DOK5: variants seen among roughly 807,000 people sequenced by gnomAD.
DOK5 encodes the protein docking protein 5.
Under a neutral mutation model 43.3 loss-of-function variants are expected in DOK5, and 27 were observed. That is an observed-to-expected ratio of 0.62 (90% CI 0.46 to 0.86). DOK5 has a LOEUF of 0.86. Among genes scored for constraint, DOK5 ranks in the 40% least tolerant of loss-of-function variants. The probability of loss-of-function intolerance (pLI) is 0.00; values close to 1 mark genes in which losing one functional copy is unlikely to be tolerated. For synonymous variants in DOK5, 146 were observed against 140.1 expected (o/e 1.04, Z -0.30); for missense variants, 373 against 392.9 (o/e 0.95, Z 0.43).
chr20:54,493,134 G>A (rs1463259563), intron 1 of DOK5, among the ~76,000 whole-genome samples: 3 of 148,868 alleles, frequency 2.0e-5, no homozygotes, highest in Non-Finnish European at 3.0e-5. Flanking sequence ...CCCCAAATCT[G>A]TTCCCTTTAT....
chr20:54,611,657 T>C (rs1278409235), intron 6 of DOK5, among the ~76,000 whole-genome samples: 1 of 152,190 alleles, frequency 6.6e-6, no homozygotes, highest in Non-Finnish European at 1.5e-5. Flanking sequence ...TGCACAACAC[T>C]TAAGTAATGC....
chr20:54,609,137 G>T (rs950111502), intron 5 of DOK5, among the ~76,000 whole-genome samples: 1 of 152,074 alleles, frequency 6.6e-6, no homozygotes, highest in African/African-American at 2.4e-5. Flanking sequence ...CATCTTCCTC[G>T]TATTATTGCA....
intron 1 of DOK5, among the ~76,000 whole-genome samples, chr20:54,540,017 T>C (rs1984095002): frequency 6.6e-6 from 1 of 152,048 alleles, no homozygotes; most frequent in Non-Finnish European, 1.5e-5. Context: ...TAGGAAGTGG[T>C]GGGATATGAG....
In DOK5 at chr20:54,581,980, GA is replaced by G. The variant is rs201270465; in HGVS notation, c.175-6494del. Among the ~76,000 whole-genome samples the G allele has an allele frequency of 3.2e-3, 479 of 149,948 alleles. 4 individuals carry two copies. The highest frequency in any genetic ancestry group is 6.1e-3 in the African/African-American group (251 of 40,880). On this transcript the variant is annotated intron_variant, in intron 2 of 7. Coordinates refer to ENST00000262593, the MANE Select transcript of DOK5 (RefSeq NM_018431.5). ...CCTTTTGACTTGCTCCTGATCTTAG[GA>G]AAAAAAAATGTTTTCATTTTTCACC...
intron 1 of DOK5, among the ~76,000 whole-genome samples, chr20:54,499,801 C>G (rs992899875): frequency 6.6e-6 from 1 of 152,226 alleles, no homozygotes; most frequent in African/African-American, 2.4e-5. Flanking sequence ...TCAGTCTATT[C>G]TGACGTGTTG....
intron 6 of DOK5, among the ~76,000 whole-genome samples, chr20:54,641,378 G>C (rs540639103): frequency 1.3e-5 from 2 of 151,566 alleles, no homozygotes; most frequent in Admixed American, 1.3e-4. Context: ...AATGAGTTTT[G>C]GTCTTCAACA....
intron 7 of DOK5, 72 bp from the exon 8 acceptor site, chr20:54,650,343 G>A: frequency 1.4e-6 from 2 of 1,476,288 alleles, no homozygotes; most frequent in Admixed American, 1.8e-5. Flanking sequence ...TATAGAGAAA[G>A]TTGTTGCCAC....
At chr20:54,508,163 A>C (rs1253096795) in intron 1 of DOK5, among the ~76,000 whole-genome samples, 1 of 151,992 alleles carries the variant, frequency 6.6e-6, no homozygotes, top group Non-Finnish European at 1.5e-5. Context: ...TAGACTTCAA[A>C]CTTTTCTGAT....
chr20:54,579,869 T>C (rs1475119315), intron 2 of DOK5, among the ~76,000 whole-genome samples: 2 of 152,122 alleles, frequency 1.3e-5, no homozygotes, highest in East Asian at 1.9e-4. Flanking sequence ...GTGTGGTGGT[T>C]GGCTGCACCC....
At chr20:54,600,988 G>C (rs1446252324) in intron 5 of DOK5, among the ~76,000 whole-genome samples, 1 of 152,230 alleles carries the variant, frequency 6.6e-6, no homozygotes, top group East Asian at 1.9e-4. Flanking sequence ...GACAAGAATG[G>C]CTGTAGCCAT....
At position 54,536,915 on chromosome 20, in the gene DOK5, C is replaced by T. The variant is rs569233666; in HGVS notation, c.67-18018C>T. ...CAAGTCCTCCACACCATGGTGTCTG[C>T]GGAGACCACATGGGAAGCCTGGACT... On this transcript the variant is annotated intron_variant, in intron 1 of 7. Coordinates refer to ENST00000262593, the MANE Select transcript of DOK5 (RefSeq NM_018431.5). Among the ~76,000 whole-genome samples, 12 of 152,310 alleles carry T rather than the reference C, an allele frequency of 7.9e-5. 1 individual carries two copies. Among genetic ancestry groups the T allele is most frequent in the South Asian group, 4.2e-4 (2 of 4,818 alleles).
chr20:54,542,332 C>A (rs1331806693), intron 1 of DOK5, among the ~76,000 whole-genome samples: 1 of 152,050 alleles, frequency 6.6e-6, no homozygotes, highest in African/African-American at 2.4e-5. Flanking sequence ...GAATGCTCAC[C>A]CAGTATTTTA....
At chr20:54,616,754 G>A (rs1422657116) in intron 6 of DOK5, among the ~76,000 whole-genome samples, 5 of 151,478 alleles carry the variant, frequency 3.3e-5, no homozygotes, top group African/African-American at 1.2e-4. Context: ...GGTAAAAGTG[G>A]GGAAGGATCC....
chr20:54,646,777 G>A (rs1979451088), intron 7 of DOK5, among the ~76,000 whole-genome samples: 1 of 152,068 alleles, frequency 6.6e-6, no homozygotes, highest in Non-Finnish European at 1.5e-5. Context: ...AATGACTTGG[G>A]GGCCTGGGGT....
intron 2 of DOK5, among the ~76,000 whole-genome samples, chr20:54,561,125 A>C (rs1469829977): frequency 6.6e-6 from 1 of 152,100 alleles, no homozygotes; most frequent in Non-Finnish European, 1.5e-5. Flanking sequence ...AACATTTATC[A>C]ATCCCTCAAA....
chr20:54,536,614 CA>C (rs1445223387), intron 1 of DOK5, among the ~76,000 whole-genome samples: 1 of 152,074 alleles, frequency 6.6e-6, no homozygotes, highest in African/African-American at 2.4e-5. Context: ...AATAGGCACA[CA>C]CAAAAAAAAG....
chr20:54,518,072 A>T (rs1334614120), intron 1 of DOK5, among the ~76,000 whole-genome samples: 2 of 152,116 alleles, frequency 1.3e-5, no homozygotes. Flanking sequence ...GCATCACCTC[A>T]TAGCATTCTC....
rs1269337427 is a variant in DOK5, at chr20:54,650,942, C to G, written c.*463C>G. The G allele has an allele frequency of 1.3e-5, 2 of 153,806 alleles. No homozygotes were observed. The highest frequency in any genetic ancestry group is 4.8e-5 in the African/African-American group (2 of 41,446). The allele number at this position is 153,806 out of a possible 1,614,324, so 9.5% of individuals were successfully genotyped here. On this transcript the variant is annotated 3_prime_UTR_variant, in exon 8 of 8. Coordinates refer to ENST00000262593, the MANE Select transcript of DOK5 (RefSeq NM_018431.5). ...TTATTACTGTGGTTCTGATTAACTA[C>G]TGGAAATTATATTTGATTATATCAC...
intron 6 of DOK5, among the ~76,000 whole-genome samples, chr20:54,625,825 A>G (rs1420334081): frequency 6.6e-6 from 1 of 152,240 alleles, no homozygotes; most frequent in Non-Finnish European, 1.5e-5. Context: ...ATCCCCATTC[A>G]CACAAATGAT....
Sources: gnomAD v4.1 joint callset for allele counts (sites outside exome capture counted in the v4.1 genomes callset) on GRCh38, gnomAD v4.1.1 for gene constraint, MANE v1.5 for transcripts, NCBI Gene and HGNC (gene_info 2026-07-23, HGNC 2026-07-21) for gene names.